R3HDM1: variants seen among roughly 807,000 people sequenced by gnomAD.
R3HDM1 encodes the protein R3H domain containing 1.
R3HDM1 carries 46 observed loss-of-function variants against 141.1 expected under a neutral mutation model. The observed-to-expected ratio is 0.33, with a 90% CI of 0.26 to 0.42. R3HDM1 has a LOEUF of 0.42. Among genes scored for constraint, R3HDM1 ranks in the 10% least tolerant of loss-of-function variants. The probability of loss-of-function intolerance (pLI) is 1.00; values close to 1 mark genes in which losing one functional copy is unlikely to be tolerated. For missense variants in R3HDM1, 1,184 were observed against 1,368.3 expected, an observed-to-expected ratio of 0.87 and a Z score of 2.12; for synonymous variants, 435 against 472.9, an observed-to-expected ratio of 0.92 and a Z score of 1.04.
At chr2:135,716,286 C>A (rs1232326476) in intron 24 of R3HDM1, among the ~76,000 whole-genome samples, 1 of 152,112 alleles carries the variant, frequency 6.6e-6, no homozygotes, top group African/African-American at 2.4e-5. Context: ...GACAGCAGAG[C>A]AAGACTCTTG....
intron 1 of R3HDM1, among the ~76,000 whole-genome samples, chr2:135,537,916 C>T (rs1696588506): frequency 6.6e-6 from 1 of 152,098 alleles, no homozygotes; most frequent in African/African-American, 2.4e-5. Context: ...ACCCAAATGT[C>T]CTTCGCTGCG....
chr2:135,666,804 C>T (rs2067569652), intron 19 of R3HDM1, among the ~76,000 whole-genome samples: 1 of 151,916 alleles, frequency 6.6e-6, no homozygotes, highest in African/African-American at 2.4e-5. Context: ...AACTTGCCCA[C>T]CTACTAAAAT....
intron 4 of R3HDM1, 97 bp downstream of exon 4, chr2:135,616,290 T>C (rs1176675927): frequency 4.0e-6 from 5 of 1,251,774 alleles, no homozygotes. Context: ...GTTTAGTTCT[T>C]CCATATTTTA....
chr2:135,615,259 A>C (rs1159363647), intron 3 of R3HDM1, among the ~76,000 whole-genome samples: 1 of 147,842 alleles, frequency 6.8e-6, no homozygotes, highest in Non-Finnish European at 1.5e-5. Flanking sequence ...TTTTTTTTTT[A>C]ATGTAAAGCA....
chr2:135,574,724 T>G (rs1298350272), intron 1 of R3HDM1, among the ~76,000 whole-genome samples: 1 of 152,138 alleles, frequency 6.6e-6, no homozygotes, highest in Non-Finnish European at 1.5e-5. Flanking sequence ...AAACTCAGTG[T>G]CTCCATAGGT....
intron 1 of R3HDM1, among the ~76,000 whole-genome samples, chr2:135,561,694 G>C (rs543936749): frequency 6.6e-6 from 1 of 151,642 alleles, no homozygotes; most frequent in Non-Finnish European, 1.5e-5. Context: ...CTCCAGCTTA[G>C]GTGACAAAAG....
At position 135,631,710 on chromosome 2, in the gene R3HDM1, T is replaced by C; in HGVS notation, c.498-8T>C. 1 of 1,561,936 alleles carries C rather than the reference T, an allele frequency of 6.4e-7. No homozygotes were observed. The highest frequency in any genetic ancestry group is 8.6e-7 in the Non-Finnish European group (1 of 1,160,512). ...TTTACATATAAGAGTCTTCATACTTTGTTTCAGGGACAGAATGATGCTGCT... is the reference window on the plus strand; with the variant it reads ...TTTACATATAAGAGTCTTCATACTTCGTTTCAGGGACAGAATGATGCTGCT... On this transcript the variant is annotated splice_region_variant and splice_polypyrimidine_tract_variant and intron_variant, in intron 7 of 26. Transcript: ENST00000683871.
chr2:135,723,778 CAAAAAAAAAAAA>C (rs541423067), intron 26 of R3HDM1, among the ~76,000 whole-genome samples, 147 bp from the exon 27 acceptor site: 10 of 55,322 alleles, frequency 1.8e-4, no homozygotes, highest in African/African-American at 4.8e-4. Flanking sequence ...CTCCATCTCC[CAAAAAAAAAAAA>C]AAAAAAAAAA....
At chr2:135,586,883 T>C in intron 1 of R3HDM1, 1 of 985,148 alleles carries the variant, frequency 1.0e-6, no homozygotes, top group Non-Finnish European at 1.2e-6. Context: ...AAAATAGACA[T>C]ACTATATGGC....
intron 23 of R3HDM1, 73 bp from the exon 24 acceptor site, chr2:135,715,477 A>AT: frequency 6.7e-7 from 1 of 1,488,314 alleles, no homozygotes. Context: ...AAGTACGTAT[A>AT]TGTAATCAGG....
chr2:135,535,271 C>A (rs1695812970), intron 1 of R3HDM1, among the ~76,000 whole-genome samples: 1 of 152,040 alleles, frequency 6.6e-6, no homozygotes, highest in Non-Finnish European at 1.5e-5. Context: ...GAGACCGAGG[C>A]AGGCAGATCA....
intron 1 of R3HDM1, among the ~76,000 whole-genome samples, chr2:135,534,822 G>GT (rs368241858): frequency 4.0e-5 from 6 of 151,898 alleles, no homozygotes; most frequent in South Asian, 2.1e-4. Context: ...AAGTAATAGG[G>GT]TTTTTTTTCT....
intron 1 of R3HDM1, among the ~76,000 whole-genome samples, chr2:135,562,825 T>G (rs999336729): frequency 2.0e-5 from 3 of 152,212 alleles, no homozygotes; most frequent in Admixed American, 6.5e-5. Context: ...AAGGAAAACG[T>G]CCTGTTTCAA....
At position 135,680,312 on chromosome 2, in the gene R3HDM1, A is replaced by G. The variant is rs1436383348; in HGVS notation, c.2447A>G (p.Gln816Arg). ...TATAGTGTCATTCCACCTGGTCAAC[A>G]AAACAATTTAAGGTGAGTATGACTG... ...VYYSVIPPGQ[Q>R]NNLSSSVGYL... The change falls in exon 21 of 27, where the codon CAA (glutamine) becomes CGA (arginine). Residue 816 changes from glutamine to arginine, a missense_variant. Physicochemically the swap from Gln to Arg is conservative, Grantham distance 43. This residue lies in a region of R3HDM1 where 563 missense variants were observed against 562.0 expected (regional missense o/e 1.00). Transcript: ENST00000683871. The G allele has an allele frequency of 1.2e-6, 2 of 1,613,996 alleles. No individual in the cohort carries two copies. Among genetic ancestry groups the G allele is most frequent in the Non-Finnish European group, 1.7e-6 (2 of 1,179,924 alleles).
At chr2:135,638,170 A>G (rs1268634725) in intron 11 of R3HDM1, among the ~76,000 whole-genome samples, 1 of 152,184 alleles carries the variant, frequency 6.6e-6, no homozygotes, top group Non-Finnish European at 1.5e-5. Flanking sequence ...AATCATACAA[A>G]CAAAAATGGT....
intron 3 of R3HDM1, among the ~76,000 whole-genome samples, chr2:135,606,964 GT>G (rs1251676499): frequency 2.3e-5 from 1 of 43,502 alleles, no homozygotes; most frequent in African/African-American, 9.4e-5. Flanking sequence ...AAGAAACCTG[GT>G]TTTTTTGGGT....
intron 1 of R3HDM1, among the ~76,000 whole-genome samples, chr2:135,584,670 A>C (rs980985846): frequency 8.5e-5 from 13 of 152,204 alleles, no homozygotes; most frequent in African/African-American, 3.1e-4. Flanking sequence ...ACAGCAATAA[A>C]ACTGTATTTT....
intron 20 of R3HDM1, among the ~76,000 whole-genome samples, 186 bp from the exon 21 acceptor site, chr2:135,679,987 G>A (rs1428062627): frequency 1.3e-5 from 2 of 152,182 alleles, no homozygotes; most frequent in Non-Finnish European, 2.9e-5. Context: ...GGCTGAGGCA[G>A]GAGAATTGCT....
intron 21 of R3HDM1, among the ~76,000 whole-genome samples, chr2:135,686,260 A>G (rs2071325802): frequency 6.6e-6 from 1 of 152,264 alleles, no homozygotes; most frequent in Non-Finnish European, 1.5e-5. Flanking sequence ...AAAACAGTAC[A>G]GAAGTTCCTA....
Sources: gnomAD v4.1 joint callset for allele counts (sites outside exome capture counted in the v4.1 genomes callset) on GRCh38, gnomAD v4.1.1 for gene constraint, gnomAD v4.1.1 regional missense constraint, MANE v1.5 for transcripts, NCBI Gene and HGNC (gene_info 2026-07-23, HGNC 2026-07-21) for gene names.